The following SPEF2 variants were observed in gnomAD, a reference collection of about 807,000 sequenced individuals.
The protein encoded by SPEF2 is sperm flagella and cilia-associated protein 2.
SPEF2 carries 187 observed loss-of-function variants against 224.6 expected under a neutral mutation model. That is an observed-to-expected ratio of 0.83 (90% CI 0.74 to 0.94). The LOEUF is 0.94. SPEF2 is among the 40% of genes least tolerant of loss of function. SPEF2 has a pLI of 0.00. For synonymous variants in SPEF2, 715 were observed against 707.3 expected (o/e 1.01, Z -0.17); for missense variants, 2,170 against 2,135.6 (o/e 1.02, Z -0.32).
chr5:35,807,759 C>T, intron 36 of SPEF2: 1 of 1,535,890 alleles, frequency 6.5e-7, no homozygotes, highest in Non-Finnish European at 8.7e-7. Flanking sequence ...ACTGGACAAA[C>T]CCAGCAGAAG....
chr5:35,750,336 A>G (rs1298062685), intron 23 of SPEF2, among the ~76,000 whole-genome samples: 1 of 152,148 alleles, frequency 6.6e-6, no homozygotes, highest in East Asian at 1.9e-4. Context: ...TGCAATAAAA[A>G]CAAAGATAAA....
At chr5:35,739,851 T>G in intron 21 of SPEF2, 68 bp from the exon 22 acceptor site, 1 of 1,580,708 alleles carries the variant, frequency 6.3e-7, no homozygotes. Flanking sequence ...GGGACTGTTC[T>G]TTTGACACTA....
intron 14 of SPEF2, 149 bp downstream of exon 14, chr5:35,695,945 A>G (rs1580321737): frequency 1.9e-6 from 1 of 521,596 alleles, no homozygotes; most frequent in East Asian, 3.3e-5. Flanking sequence ...AGCTCACCTG[A>G]CTTTACTTAG....
At chr5:35,625,418 G>A (rs901456237) in intron 1 of SPEF2, among the ~76,000 whole-genome samples, 2 of 152,150 alleles carry the variant, frequency 1.3e-5, no homozygotes, top group African/African-American at 2.4e-5. Flanking sequence ...TGAAGGAAAC[G>A]GATTTAGTAT....
chr5:35,712,842 A>C lies in SPEF2; in HGVS notation c.2870A>C (p.Gln957Pro). The stretch of plus-strand genomic sequence containing the variant: ...CCGCATGGTAAGCAAGAATCTCTTC[A>C]GGAAGGAAAAGGGAAGAAAGGTGAG... ...EAPHGKQESLQEGKGKKGETA... is the reference protein window; with the variant it reads ...EAPHGKQESLPEGKGKKGETA... Residue 957 changes from glutamine (Q) to proline (P), a missense_variant, in exon 20 of 37, where the codon CAG (glutamine) becomes CCG (proline). Gln to Pro is a moderately conservative substitution (Grantham distance 76, BLOSUM62 -1). Coordinates refer to ENST00000356031, the MANE Select transcript of SPEF2 (RefSeq NM_024867.4). 1 of 1,613,904 alleles carries C rather than the reference A, an allele frequency of 6.2e-7. No individual in the cohort carries two copies. Among genetic ancestry groups the C allele is most frequent in the Non-Finnish European group, 8.5e-7 (1 of 1,179,946 alleles).
chr5:35,644,772 A>C (rs902513235), intron 4 of SPEF2, among the ~76,000 whole-genome samples: 1 of 152,150 alleles, frequency 6.6e-6, no homozygotes, highest in Non-Finnish European at 1.5e-5. Flanking sequence ...GAGTGGCAAG[A>C]CAACTGCATT....
At chr5:35,684,519 A>G (rs1286443338) in intron 10 of SPEF2, among the ~76,000 whole-genome samples, 1 of 152,168 alleles carries the variant, frequency 6.6e-6, no homozygotes, top group African/African-American at 2.4e-5. Context: ...ATTTTTTGTG[A>G]GGAAGCAGGC....
chr5:35,785,940 G>T (rs992782892), intron 30 of SPEF2, among the ~76,000 whole-genome samples: 6 of 151,964 alleles, frequency 3.9e-5, no homozygotes, highest in African/African-American at 1.4e-4. Flanking sequence ...TTTCTTCCTG[G>T]AAAGTTCAGT....
chr5:35,657,938 G>A (rs1162069098), intron 7 of SPEF2, among the ~76,000 whole-genome samples: 1 of 152,180 alleles, frequency 6.6e-6, no homozygotes, highest in Non-Finnish European at 1.5e-5. Context: ...GGTCTTTCCT[G>A]CAGTGCCCTA....
At chr5:35,775,977 C>G (rs956010356) in intron 28 of SPEF2, among the ~76,000 whole-genome samples, 1 of 152,106 alleles carries the variant, frequency 6.6e-6, no homozygotes, top group Non-Finnish European at 1.5e-5. Context: ...ATTACCTATG[C>G]GTGTTTTCAC....
At chr5:35,750,170 G>A (rs1749188011) in intron 23 of SPEF2, among the ~76,000 whole-genome samples, 2 of 152,004 alleles carry the variant, frequency 1.3e-5, no homozygotes, top group Non-Finnish European at 2.9e-5. Context: ...AATGAAACTG[G>A]GTCCTCATCT....
Position 35,779,140 on chromosome 5 carries a change from C to T in SPEF2, c.4241C>T (p.Ala1414Val), listed in dbSNP as rs1428626970. ...MASTEKLTDV[A>V]RYHIETSTKI... is the part of the protein sequence containing the mutation. Reference sequence around the variant, plus strand: ...AGTACAGAAAAATTAACTGACGTAGCTCGCTATCACATTGAAACATCTACA... The same window carrying T: ...AGTACAGAAAAATTAACTGACGTAGTTCGCTATCACATTGAAACATCTACA... The change falls in exon 30 of 37, where the codon GCT becomes GTT. Residue 1414 changes from alanine (A) to valine (V), a missense_variant. Ala to Val is a moderately conservative substitution (Grantham distance 64). Coordinates refer to ENST00000356031, the MANE Select transcript of SPEF2 (RefSeq NM_024867.4). 1.2e-6 allele frequency: 2 copies of T among 1,613,328 alleles called. No individual in the cohort carries two copies. The highest frequency in any genetic ancestry group is 4.5e-5 in the East Asian group (2 of 44,854).
chr5:35,724,886 A>G (rs565713230), intron 20 of SPEF2, among the ~76,000 whole-genome samples: 76 of 152,296 alleles, frequency 5.0e-4, no homozygotes, highest in African/African-American at 1.7e-3. Flanking sequence ...TGACCTGGAG[A>G]GTTCCCTCTT....
chr5:35,797,795 A>C (rs1249531445), intron 33 of SPEF2, among the ~76,000 whole-genome samples: 1 of 152,206 alleles, frequency 6.6e-6, no homozygotes, highest in Admixed American at 6.5e-5. Flanking sequence ...CAAATCGGAG[A>C]GAAATGGACA....
At chr5:35,789,061 T>G (rs1169778351) in intron 30 of SPEF2, 2 of 683,794 alleles carry the variant, frequency 2.9e-6, no homozygotes, top group Non-Finnish European at 5.3e-6. Flanking sequence ...CGTATTATTT[T>G]GCTTTTTCAG....
chr5:35,777,027 C>T (rs1753696329), intron 29 of SPEF2, among the ~76,000 whole-genome samples: 1 of 152,182 alleles, frequency 6.6e-6, no homozygotes, highest in Non-Finnish European at 1.5e-5. Context: ...TGCTTGATTG[C>T]TCTGGGCCTC....
intron 23 of SPEF2, among the ~76,000 whole-genome samples, chr5:35,741,061 T>C (rs1327665031): frequency 1.3e-5 from 2 of 152,206 alleles, no homozygotes; most frequent in Non-Finnish European, 2.9e-5. Context: ...GCATCTATTA[T>C]GGTCCTAGCA....
chr5:35,811,701 T>C (rs1758543374), intron 36 of SPEF2, among the ~76,000 whole-genome samples: 1 of 151,572 alleles, frequency 6.6e-6, no homozygotes, highest in Admixed American at 6.6e-5. Flanking sequence ...AAGCACTCAA[T>C]ATATATGAGA....
chr5:35,718,990 T>C (rs955321126), intron 20 of SPEF2, among the ~76,000 whole-genome samples: 12 of 152,214 alleles, frequency 7.9e-5, no homozygotes, highest in African/African-American at 2.9e-4. Context: ...AACTGGTAGC[T>C]ATAGTTATGC....
Sources: gnomAD v4.1 joint callset for allele counts (sites outside exome capture counted in the v4.1 genomes callset) on GRCh38, gnomAD v4.1.1 for gene constraint, MANE v1.5 for transcripts, NCBI Gene and HGNC (gene_info 2026-07-23, HGNC 2026-07-21) for gene names.